The following SEC16B variants were observed in gnomAD, a reference collection of about 807,000 sequenced individuals.
The protein encoded by SEC16B is protein transport protein Sec16B.
In SEC16B, 115 loss-of-function variants were observed where a neutral mutation model predicts 141.8. That is an observed-to-expected ratio of 0.81 (90% CI 0.70 to 0.95). SEC16B has a LOEUF of 0.95. SEC16B is among the 40% of genes least tolerant of loss of function. The probability of loss-of-function intolerance (pLI) is 0.00; values close to 1 mark genes in which losing one functional copy is unlikely to be tolerated. For missense variants in SEC16B, 1,291 were observed against 1,312.3 expected (o/e 0.98, Z 0.25); for synonymous variants, 493 against 492.5 (o/e 1.00, Z -0.01).
At position 177,952,187 on chromosome 1, in the gene SEC16B, C is replaced by T. The variant is rs577487283; in HGVS notation, c.1464-192G>A. ...AGAGATGGCAGGATCCTCATTCTAC[C>T]GCACACCCCAGCTAGATCTCATAGT... On this transcript the variant is annotated intron_variant, in intron 11 of 25. Coordinates refer to ENST00000308284, the MANE Select transcript of SEC16B (RefSeq NM_033127.4). Among the ~76,000 whole-genome samples, 109 of 152,294 alleles carry T rather than the reference C, an allele frequency of 7.2e-4. 1 individual carries two copies. In the South Asian group the frequency reaches 0.022, roughly 31 times the overall value.
In SEC16B at chr1:177,940,694, C is replaced by CAGCTTCAGTTTCTCTGCT. The variant is rs1284168523; in HGVS notation, c.2025_2042dup (p.Ala676_Leu681dup). 6.2e-7 allele frequency: 1 copy of CAGCTTCAGTTTCTCTGCT among 1,613,586 alleles called. No homozygotes were observed. The highest frequency in any genetic ancestry group is 8.5e-7 in the Non-Finnish European group (1 of 1,179,780). ...GTCTTTCTAAAACCAGAGGATCTGACAGCTTCAGTTTCTCTGCTAGCTGTG... is the reference window on the plus strand; with the variant it reads ...GTCTTTCTAAAACCAGAGGATCTGACAGCTTCAGTTTCTCTGCTAGCTTCAGTTTCTCTGCTAGCTGTG... On this transcript the variant is annotated inframe_insertion, in exon 17 of 26. Coordinates refer to ENST00000308284, the MANE Select transcript of SEC16B (RefSeq NM_033127.4).
chr1:177,945,039 G>A (rs1298966901), intron 14 of SEC16B, among the ~76,000 whole-genome samples: 3 of 152,174 alleles, frequency 2.0e-5, no homozygotes, highest in Non-Finnish European at 4.4e-5. Flanking sequence ...TGCCCATAAA[G>A]CCTGTCATGT....
chr1:177,950,180 G>A (rs907951078), intron 12 of SEC16B, among the ~76,000 whole-genome samples: 6 of 151,774 alleles, frequency 4.0e-5, no homozygotes, highest in African/African-American at 1.5e-4. Context: ...GTGTGAGGTC[G>A]ATTTTTATTT....
rs767888918 is a variant in SEC16B at position 177,950,467 on chromosome 1, G to A, written c.1545+1447C>T. Among the ~76,000 whole-genome samples the A allele has an allele frequency of 7.2e-4, 109 of 152,052 alleles. 1 individual carries two copies. Among genetic ancestry groups the A allele is most frequent in the Admixed American group, 1.6e-3 (24 of 15,274 alleles). ...ATAAATAACTGGAAATAAAAATCCAGGGAAGAGTCAACTCCTTTAAAGTTA... is the reference window on the plus strand; with the variant it reads ...ATAAATAACTGGAAATAAAAATCCAAGGAAGAGTCAACTCCTTTAAAGTTA... On this transcript the variant is annotated intron_variant, in intron 12 of 25. Coordinates refer to ENST00000308284, the MANE Select transcript of SEC16B (RefSeq NM_033127.4).
intron 15 of SEC16B, among the ~76,000 whole-genome samples, chr1:177,943,783 T>A (rs547067329): frequency 4.6e-5 from 7 of 152,146 alleles, no homozygotes; most frequent in Admixed American, 1.3e-4. Flanking sequence ...TCTCGAGCAT[T>A]AAGGAAACTA....
chr1:177,937,531 A>G lies in SEC16B; in HGVS notation c.2204-18T>C. 6.7e-7 allele frequency: 1 copy of G among 1,492,312 alleles called. No individual in the cohort carries two copies. The highest frequency in any genetic ancestry group is 8.9e-7 in the Non-Finnish European group (1 of 1,119,962). The allele number at this position is 1,492,312 out of a possible 1,614,324, so 92.4% of individuals were successfully genotyped here. A position where few individuals can be genotyped will look rare whatever the true frequency, so the allele number is the denominator to read the frequency against. On this transcript the variant is annotated intron_variant, in intron 18 of 25. Coordinates refer to ENST00000308284, the MANE Select transcript of SEC16B (RefSeq NM_033127.4). ...AGTGTTTTCTAAGGACGTGGAACAAAGGTAAAGAAGTCAGACCTGAAATGC... is the reference window on the plus strand; with the variant it reads ...AGTGTTTTCTAAGGACGTGGAACAAGGGTAAAGAAGTCAGACCTGAAATGC...
intron 20 of SEC16B, 107 bp downstream of exon 20, chr1:177,936,191 C>CTGCAAA (rs1650825003): frequency 1.2e-6 from 1 of 841,886 alleles, no homozygotes. Context: ...GAGAAAGCTG[C>CTGCAAA]TGCAACACTG....
intron 14 of SEC16B, among the ~76,000 whole-genome samples, chr1:177,945,177 C>T (rs986641239): frequency 2.6e-5 from 4 of 152,154 alleles, no homozygotes; most frequent in Admixed American, 1.3e-4. Flanking sequence ...AAATCAAACA[C>T]GGGTCCATAC....
At chr1:177,954,052 C>T (rs1652407982) in intron 11 of SEC16B, among the ~76,000 whole-genome samples, 1 of 152,230 alleles carries the variant, frequency 6.6e-6, no homozygotes, top group African/African-American at 2.4e-5. Flanking sequence ...GAAAGTCTCA[C>T]TCTGGGCAAT....
chr1:177,973,917 C>A (rs1044610886), upstream of SEC16B, among the ~76,000 whole-genome samples: 1 of 152,048 alleles, frequency 6.6e-6, no homozygotes, highest in Non-Finnish European at 1.5e-5. Context: ...CTGTTCAAGG[C>A]TATTCCATAA....
chr1:177,930,875 G>C (rs550153259), intron 24 of SEC16B, among the ~76,000 whole-genome samples: 3 of 152,068 alleles, frequency 2.0e-5, no homozygotes, highest in Non-Finnish European at 2.9e-5. Context: ...GCAAATTAAA[G>C]CCACAATGAG....
chr1:177,942,436 C>A (rs887967945), intron 15 of SEC16B, among the ~76,000 whole-genome samples: 1 of 152,080 alleles, frequency 6.6e-6, no homozygotes, highest in Non-Finnish European at 1.5e-5. Context: ...GGGAGGCCGA[C>A]GCAGGTGGAT....
chr1:177,963,008 C>T (rs900853957), intron 5 of SEC16B, among the ~76,000 whole-genome samples: 2 of 151,008 alleles, frequency 1.3e-5, no homozygotes, highest in Admixed American at 1.3e-4. Flanking sequence ...CTAGGAAGGC[C>T]GAGGCAGGAG....
chr1:177,980,829 G>A (rs887373075), intron 1 of SEC16B, among the ~76,000 whole-genome samples: 4 of 152,006 alleles, frequency 2.6e-5, no homozygotes, highest in African/African-American at 9.7e-5. Context: ...CCTGAAGGAT[G>A]AGAGTGCATT....
intron 4 of SEC16B, 84 bp downstream of exon 4, chr1:177,964,963 G>A: frequency 6.7e-7 from 1 of 1,484,082 alleles, no homozygotes; most frequent in Non-Finnish European, 9.2e-7. Flanking sequence ...AGGTGAGATG[G>A]CAGCATCAGA....
At chr1:177,954,017 A>G (rs1652406153) in intron 11 of SEC16B, among the ~76,000 whole-genome samples, 1 of 152,220 alleles carries the variant, frequency 6.6e-6, no homozygotes, top group South Asian at 2.1e-4. Context: ...AGGCTACTGC[A>G]ATGTAAAAAC....
upstream of SEC16B, chr1:177,973,387 A>C (rs540644670): frequency 6.6e-6 from 1 of 152,334 alleles, no homozygotes; most frequent in East Asian, 1.9e-4. Flanking sequence ...CAGGTAATGG[A>C]ATGGTGGATG....
rs761575410 is a variant in SEC16B, at chr1:177,967,667, A to G, written c.299+16T>C. The G allele has an allele frequency of 1.0e-5, 16 of 1,556,180 alleles. No individual in the cohort carries two copies. The East Asian group carries it at 3.4e-4, about 33-fold the overall frequency. The stretch of plus-strand genomic sequence containing the variant: ...ATTTAGGAGAGTTGCATTCATTCCA[A>G]GCCCTAAAGCCATACCTTGAATACA... On this transcript the variant is annotated intron_variant, in intron 2 of 25. Coordinates refer to ENST00000308284, the MANE Select transcript of SEC16B (RefSeq NM_033127.4).
intron 12 of SEC16B, chr1:177,948,595 C>G: frequency 7.7e-7 from 1 of 1,304,050 alleles, no homozygotes; most frequent in Non-Finnish European, 1.0e-6. Context: ...TACAAAGCCC[C>G]GCATCAATGG....
Sources: allele counts gnomAD v4.1 joint callset (sites outside exome capture counted in the v4.1 genomes callset), GRCh38; gene constraint gnomAD v4.1.1; transcripts MANE v1.5; gene names NCBI Gene and HGNC (gene_info 2026-07-23, HGNC 2026-07-21).